GRK3: variants seen among roughly 807,000 people sequenced by gnomAD.
The protein encoded by GRK3 is adrenergic, beta, receptor kinase 2.
Under a neutral mutation model 95.7 loss-of-function variants are expected in GRK3, and 54 were observed. That is an observed-to-expected ratio of 0.56 (90% CI 0.45 to 0.71). GRK3 has a LOEUF of 0.71. Ranked by LOEUF, GRK3 falls within the 30% of genes least tolerant of loss-of-function variation. GRK3 has a pLI of 0.00. For missense variants in GRK3, 649 were observed against 851.2 expected, an observed-to-expected ratio of 0.76 and a Z score of 2.96; for synonymous variants, 281 against 290.8, an observed-to-expected ratio of 0.97 and a Z score of 0.34.
In GRK3 at chr22:25,620,755, G is replaced by T. The variant is rs148701202; in HGVS notation, c.190+16302G>T. 5.6e-3 allele frequency among the ~76,000 whole-genome samples: 855 copies of T among 152,278 alleles called. 9 individuals are homozygous for T. Among genetic ancestry groups the T allele is most frequent in the African/African-American group, 0.019 (796 of 41,544 alleles). Reference sequence around the variant, plus strand: ...ATCTAAGGGTCCTCAGAAGAATGGCGTGTCCTTGTGTGGTTCAGTTGACAG... The same window carrying T: ...ATCTAAGGGTCCTCAGAAGAATGGCTTGTCCTTGTGTGGTTCAGTTGACAG... On this transcript the variant is annotated intron_variant, in intron 2 of 20. Coordinates refer to ENST00000324198, the MANE Select transcript of GRK3 (RefSeq NM_005160.4).
chr22:25,721,727 T>C (rs1291452111), intron 20 of GRK3, among the ~76,000 whole-genome samples: 2 of 152,210 alleles, frequency 1.3e-5, no homozygotes, highest in South Asian at 2.1e-4. Flanking sequence ...TAGATAAATA[T>C]AAGACGGCAA....
Position 25,695,131 on chromosome 22 carries a change from C to T in GRK3, c.1077C>T (p.Pro359=), listed in dbSNP as rs750255153. The T allele has an allele frequency of 6.8e-6, 11 of 1,613,774 alleles. No homozygotes were observed. The highest frequency in any genetic ancestry group is 6.7e-5 in the East Asian group (3 of 44,878). Residue 359 remains proline, a synonymous_variant, in exon 13 of 21, where the codon CCC becomes CCT. Transcript: ENST00000324198. The part of the protein sequence containing the change: ...ASVGTHGYMA[P]EVLQKGTAYD... Reference sequence around the variant, plus strand: ...GTGGCACCCATGGGTACATGGCTCCCGAGGTGCTGCAGAAGGGGACGGCCT... The same window carrying T: ...GTGGCACCCATGGGTACATGGCTCCTGAGGTGCTGCAGAAGGGGACGGCCT...
At chr22:25,630,333 A>G (rs1456464062) in intron 2 of GRK3, among the ~76,000 whole-genome samples, 6 of 152,196 alleles carry the variant, frequency 3.9e-5, no homozygotes, top group African/African-American at 1.4e-4. Context: ...TCTCTGGGAA[A>G]TGTAAGTCGT....
chr22:25,579,694 G>A (rs976006080), intron 1 of GRK3, among the ~76,000 whole-genome samples: 11 of 151,850 alleles, frequency 7.2e-5, no homozygotes, highest in African/African-American at 1.7e-4. Context: ...GGATGGTCTC[G>A]ATCTCCTGAC....
intron 4 of GRK3, among the ~76,000 whole-genome samples, chr22:25,661,925 TAATTTAGATC>T (rs1281354531): frequency 6.6e-6 from 1 of 152,228 alleles, no homozygotes; most frequent in Non-Finnish European, 1.5e-5. Context: ...ATAAAATTGC[TAATTTAGATC>T]AACTGAAGAA....
chr22:25,685,336 A>G (rs1038327120), intron 10 of GRK3, 88 bp downstream of exon 10: 3 of 1,005,786 alleles, frequency 3.0e-6, no homozygotes, highest in African/African-American at 3.1e-5. Flanking sequence ...CAGACTGGCA[A>G]TGTGGGTCTT....
At chr22:25,591,286 G>C (rs1000211050) in intron 1 of GRK3, among the ~76,000 whole-genome samples, 2 of 152,190 alleles carry the variant, frequency 1.3e-5, no homozygotes, top group Admixed American at 6.5e-5. Flanking sequence ...CTTGCAGGGA[G>C]GGGTAGAGAG....
chr22:25,618,387 A>C (rs1371787619), intron 2 of GRK3, among the ~76,000 whole-genome samples: 1 of 152,166 alleles, frequency 6.6e-6, no homozygotes, highest in African/African-American at 2.4e-5. Flanking sequence ...ACTTTGTCTA[A>C]TATTGATTTA....
chr22:25,664,372 A>G (rs543394644), intron 5 of GRK3, among the ~76,000 whole-genome samples: 3 of 152,304 alleles, frequency 2.0e-5, no homozygotes, highest in Non-Finnish European at 4.4e-5. Flanking sequence ...TCCAATGAAC[A>G]AAGTGCTTTT....
At chr22:25,566,431 C>T (rs1931488162) in intron 1 of GRK3, among the ~76,000 whole-genome samples, 1 of 152,134 alleles carries the variant, frequency 6.6e-6, no homozygotes, top group Non-Finnish European at 1.5e-5. Context: ...AAATACCAGT[C>T]CCCTTGTTAT....
At chr22:25,608,791 A>G (rs1034954248) in intron 2 of GRK3, among the ~76,000 whole-genome samples, 1 of 152,204 alleles carries the variant, frequency 6.6e-6, no homozygotes, top group Non-Finnish European at 1.5e-5. Context: ...GTGAGACCCT[A>G]AGCAGAGAAT....
At chr22:25,685,084 A>G in intron 9 of GRK3, 86 bp from the exon 10 acceptor site, 1 of 849,176 alleles carries the variant, frequency 1.2e-6, no homozygotes, top group East Asian at 2.5e-5. Flanking sequence ...AAGTAATTTT[A>G]AAAATATGTA....
intron 1 of GRK3, among the ~76,000 whole-genome samples, chr22:25,589,474 T>C (rs1245687520): frequency 3.3e-5 from 5 of 152,192 alleles, no homozygotes; most frequent in Admixed American, 3.3e-4. Flanking sequence ...GTAGGGCTGG[T>C]ATATTTCCAG....
At chr22:25,658,305 C>A (rs1391402150) in intron 3 of GRK3, among the ~76,000 whole-genome samples, 1 of 152,182 alleles carries the variant, frequency 6.6e-6, no homozygotes, top group African/African-American at 2.4e-5. Context: ...CTGTTATGCT[C>A]CTCCAAGGTG....
At chr22:25,635,932 A>G (rs541625365) in intron 2 of GRK3, among the ~76,000 whole-genome samples, 4 of 152,062 alleles carry the variant, frequency 2.6e-5, no homozygotes, top group Admixed American at 2.0e-4. Context: ...CCTTCTCCCT[A>G]TTTATTTGCT....
chr22:25,675,150 C>G (rs1010134902), intron 8 of GRK3, among the ~76,000 whole-genome samples: 1 of 151,970 alleles, frequency 6.6e-6, no homozygotes, highest in Non-Finnish European at 1.5e-5. Flanking sequence ...TTCAGCCTCC[C>G]CATCAGATCA....
At chr22:25,670,954 C>G (rs563984250) in intron 6 of GRK3, among the ~76,000 whole-genome samples, 1 of 148,770 alleles carries the variant, frequency 6.7e-6, no homozygotes, top group Non-Finnish European at 1.5e-5. Flanking sequence ...CTCGGGAGGC[C>G]GAGGCAGGAG....
At chr22:25,714,975 G>A (rs2085372405) in intron 18 of GRK3, 1 of 153,428 alleles carries the variant, frequency 6.5e-6, no homozygotes, top group Admixed American at 6.5e-5. Context: ...AGTCATTTTT[G>A]AACAAGGGGC....
chr22:25,704,183 C>G lies in GRK3; in HGVS notation c.1302C>G (p.Ser434Arg), dbSNP rs761252284. Residue 434 changes from serine to arginine, a missense_variant, in exon 15 of 21, where the codon AGC becomes AGG. Physicochemically the swap from Ser to Arg is moderately radical, Grantham distance 110 (BLOSUM62 -1). Transcript: ENST00000324198. ...LLEGLLQRDV[S>R]KRLGCHGGGS... Reference sequence around the variant, plus strand: ...AGGGCTTGCTTCAGCGAGACGTTAGCAAGCGGCTGGGCTGTCACGGAGGCG... The same window carrying G: ...AGGGCTTGCTTCAGCGAGACGTTAGGAAGCGGCTGGGCTGTCACGGAGGCG... The G allele has an allele frequency of 1.9e-6, 3 of 1,613,380 alleles. No homozygotes were observed. The highest frequency in any genetic ancestry group is 2.5e-6 in the Non-Finnish European group (3 of 1,179,654).
Sources: gnomAD v4.1 joint callset for allele counts (sites outside exome capture counted in the v4.1 genomes callset) on GRCh38, gnomAD v4.1.1 for gene constraint, MANE v1.5 for transcripts, NCBI Gene and HGNC (gene_info 2026-07-23, HGNC 2026-07-21) for gene names.